SIK3: variants seen among roughly 807,000 people sequenced by gnomAD.
The protein encoded by SIK3 is serine/threonine-protein kinase SIK3.
A neutral mutation model predicts 144.2 loss-of-function variants in SIK3; 28 were observed. The ratio of observed to expected loss-of-function variants is 0.19; its 90% CI spans 0.14 to 0.27. The LOEUF (loss-of-function observed/expected upper bound fraction) is 0.27, where lower values mean the gene tolerates loss of function less well. Among genes scored for constraint, SIK3 ranks in the 10% least tolerant of loss-of-function variants. SIK3 has a pLI of 1.00. For missense variants in SIK3, 1,319 were observed against 1,776.0 expected (o/e 0.74, Z 4.62); for synonymous variants, 686 against 676.3 (o/e 1.01, Z -0.22).
intron 3 of SIK3, among the ~76,000 whole-genome samples, chr11:116,951,866 TG>T (rs1168828446): frequency 6.6e-6 from 1 of 150,844 alleles, no homozygotes; most frequent in African/African-American, 2.4e-5. Flanking sequence ...CCCAGGAAGC[TG>T]GGGGTGCACT....
At chr11:116,948,548 A>T (rs12293755) in intron 3 of SIK3, among the ~76,000 whole-genome samples, 11,077 of 152,176 alleles carry the variant, frequency 0.073, 491 homozygotes, top group Middle Eastern at 0.11. Flanking sequence ...AAGTGCTGGG[A>T]TTATAGGCGT....
chr11:116,897,026 C>T (rs1329534137), intron 5 of SIK3, among the ~76,000 whole-genome samples, 167 bp downstream of exon 5: 14 of 102,660 alleles, frequency 1.4e-4, no homozygotes, highest in South Asian at 3.4e-4. Flanking sequence ...GACTCTGTTT[C>T]AAAAAAAAAA....
At chr11:117,048,353 T>G (rs1171471092) in intron 1 of SIK3, among the ~76,000 whole-genome samples, 3 of 152,172 alleles carry the variant, frequency 2.0e-5, no homozygotes, top group Non-Finnish European at 4.4e-5. Flanking sequence ...TATACAGACA[T>G]AAGGTCAATT....
chr11:116,954,007 T>TA, intron 3 of SIK3, 37 bp downstream of exon 3: 1 of 1,564,182 alleles, frequency 6.4e-7, no homozygotes, highest in Non-Finnish European at 8.8e-7. Flanking sequence ...CATAGTGTGC[T>TA]CAATAGCTGT....
At chr11:116,853,409 C>T (rs1942619964) in intron 21 of SIK3, among the ~76,000 whole-genome samples, 1 of 152,136 alleles carries the variant, frequency 6.6e-6, no homozygotes, top group South Asian at 2.1e-4. Context: ...GCTACATGCT[C>T]GAATATTTAT....
At chr11:116,888,916 TC>T (rs1457797984) in intron 6 of SIK3, among the ~76,000 whole-genome samples, 1 of 152,212 alleles carries the variant, frequency 6.6e-6, no homozygotes, top group East Asian at 1.9e-4. Context: ...TTAGCTGTTT[TC>T]TAGGACCCCC....
rs752344820 is a variant in SIK3 at position 117,098,265 on chromosome 11, G to T, written c.151C>A (p.Pro51Thr). The stretch of plus-strand genomic sequence containing the variant: ...ATGGGTCCGCGGGAGGCCGGGGCTG[G>T]GGGACGCGGCTGGCCGGCCGCAGGG... ...VSPAAGQPRP[P>T]APASRGPMPA... Residue 51 changes from proline (P) to threonine (T), a missense_variant, in exon 1 of 25, where the codon CCA (proline) becomes ACA (threonine). Transcript: ENST00000445177. 7.1e-7 allele frequency: 1 copy of T among 1,401,394 alleles called. No individual in the cohort carries two copies. Among genetic ancestry groups the T allele is most frequent in the Non-Finnish European group, 9.4e-7 (1 of 1,069,262 alleles). 86.8% of individuals were successfully genotyped at this position (1,401,394 alleles called of 1,614,324 possible).
intron 1 of SIK3, among the ~76,000 whole-genome samples, chr11:116,960,154 AAAG>A (rs1382077589): frequency 3.3e-5 from 5 of 152,226 alleles, no homozygotes; most frequent in African/African-American, 9.6e-5. Flanking sequence ...AGGCACGTAC[AAAG>A]AAGTTTTAAT....
At chr11:116,848,373 G>A (rs763115612) in intron 22 of SIK3, among the ~76,000 whole-genome samples, 1 of 151,548 alleles carries the variant, frequency 6.6e-6, no homozygotes, top group Non-Finnish European at 1.5e-5. Context: ...AAAAAATAAA[G>A]TGTAACTGGT....
At chr11:117,097,836 GT>G (rs1439972044) in intron 1 of SIK3, among the ~76,000 whole-genome samples, 7 of 151,828 alleles carry the variant, frequency 4.6e-5, no homozygotes, top group Non-Finnish European at 8.8e-5. Flanking sequence ...CCCTCGGGGA[GT>G]TCCGACCCCT....
intron 1 of SIK3, among the ~76,000 whole-genome samples, chr11:117,022,706 G>C (rs1231632751): frequency 6.6e-6 from 1 of 152,088 alleles, no homozygotes; most frequent in Non-Finnish European, 1.5e-5. Flanking sequence ...TCTCCTCTGA[G>C]ACGGGTTAAG....
chr11:117,044,791 G>C (rs966559864), intron 1 of SIK3, among the ~76,000 whole-genome samples: 2 of 152,160 alleles, frequency 1.3e-5, no homozygotes, highest in African/African-American at 4.8e-5. Flanking sequence ...GGTGAGGCAG[G>C]AGGATCACTT....
rs11216213 is a variant in SIK3 at position 116,979,656 on chromosome 11, G to A, written c.274-22592C>T. Among the ~76,000 whole-genome samples, 868 of 152,240 alleles carry A rather than the reference G, an allele frequency of 5.7e-3. 11 individuals are homozygous for A. The highest frequency in any genetic ancestry group is 0.02 in the African/African-American group (834 of 41,528). On this transcript the variant is annotated intron_variant, in intron 1 of 24. Coordinates refer to ENST00000445177, the MANE Select transcript of SIK3 (RefSeq NM_001366686.3). ...GAGGTCAGGAGTTCAAGACCAGACT[G>A]ACCAACATGGCAAGACCTCATCTCT... is the stretch of plus-strand genomic sequence containing the variant.
At chr11:117,023,359 T>C (rs553982503) in intron 1 of SIK3, among the ~76,000 whole-genome samples, 1 of 151,558 alleles carries the variant, frequency 6.6e-6, no homozygotes, top group Non-Finnish European at 1.5e-5. Flanking sequence ...CGAGTTTTCA[T>C]TAACTGAACT....
At chr11:116,988,626 T>C (rs1391355792) in intron 1 of SIK3, among the ~76,000 whole-genome samples, 1 of 151,590 alleles carries the variant, frequency 6.6e-6, no homozygotes, top group Non-Finnish European at 1.5e-5. Context: ...ACAATAATAA[T>C]AATTTAAAAA....
At chr11:116,930,255 C>T (rs1290182551) in intron 3 of SIK3, among the ~76,000 whole-genome samples, 1 of 152,132 alleles carries the variant, frequency 6.6e-6, no homozygotes, top group Non-Finnish European at 1.5e-5. Context: ...TCTTATCCCC[C>T]CAACCCCTAC....
rs1407681793 is a variant in SIK3 at position 116,846,287 on chromosome 11, C to G, written c.*13+96G>C. ...GGGAGGCGTGGTACTGTCGACTGCACTGGCCACCACAACACATGGGCTGAA... is the reference window on the plus strand; with the variant it reads ...GGGAGGCGTGGTACTGTCGACTGCAGTGGCCACCACAACACATGGGCTGAA... On this transcript the variant is annotated intron_variant, in intron 24 of 24. Coordinates refer to ENST00000445177, the MANE Select transcript of SIK3 (RefSeq NM_001366686.3). The surrounding 1 kb of genome is among the most constrained non-coding windows in gnomAD (Gnocchi z 4.1). 1.6e-5 allele frequency: 21 copies of G among 1,305,928 alleles called. No individual in the cohort carries two copies. Among genetic ancestry groups the G allele is most frequent in the Non-Finnish European group, 2.1e-5 (20 of 932,486 alleles). The allele number at this position is 1,305,928 out of a possible 1,614,324, so 80.9% of individuals were successfully genotyped here.
At chr11:117,068,425 G>C (rs144732997) in intron 1 of SIK3, among the ~76,000 whole-genome samples, 5 of 152,296 alleles carry the variant, frequency 3.3e-5, no homozygotes, top group Non-Finnish European at 7.3e-5. Context: ...GTTGTTTAAA[G>C]ATGATCCGAA....
chr11:117,086,981 C>T (rs1337085454), intron 1 of SIK3, among the ~76,000 whole-genome samples: 4 of 131,734 alleles, frequency 3.0e-5, no homozygotes, highest in East Asian at 2.2e-4. Context: ...GACAACAGAG[C>T]GAGACTCCAT....
Sources: allele counts gnomAD v4.1 joint callset (sites outside exome capture counted in the v4.1 genomes callset), GRCh38; gene constraint gnomAD v4.1.1; non-coding constraint Gnocchi (gnomAD v3.1); transcripts MANE v1.5; gene names NCBI Gene and HGNC (gene_info 2026-07-23, HGNC 2026-07-21).